The following NTM variants were observed in gnomAD, a reference collection of about 807,000 sequenced individuals.
NTM encodes the protein neurotrimin, also known as IgLON family member 2.
In NTM, 13 loss-of-function variants were observed where a neutral mutation model predicts 42.1. That is an observed-to-expected ratio of 0.31 (90% CI 0.20 to 0.49). The LOEUF (loss-of-function observed/expected upper bound fraction) is 0.49. Among genes scored for constraint, NTM ranks in the 20% least tolerant of loss-of-function variants. The pLI is 0.99. For synonymous variants in NTM, 187 were observed against 179.2 expected (o/e 1.04, Z -0.35); for missense variants, 373 against 452.8 (o/e 0.82, Z 1.60).
chr11:132,005,387 G>A (rs1425517348), intron 2 of NTM, among the ~76,000 whole-genome samples: 1 of 152,158 alleles, frequency 6.6e-6, no homozygotes, highest in East Asian at 1.9e-4. Context: ...TTACTGGATG[G>A]TAGACGACTT....
chr11:132,243,798 C>T (rs2090606967), intron 4 of NTM, among the ~76,000 whole-genome samples: 1 of 152,172 alleles, frequency 6.6e-6, no homozygotes, highest in Non-Finnish European at 1.5e-5. Flanking sequence ...AGGGGAGACT[C>T]TTGCCCAGTA....
At chr11:132,093,664 G>C (rs1303570684) in intron 2 of NTM, among the ~76,000 whole-genome samples, 1 of 152,112 alleles carries the variant, frequency 6.6e-6, no homozygotes, top group Non-Finnish European at 1.5e-5. Flanking sequence ...AATATGTGTT[G>C]GATGCCTTTC....
chr11:131,592,721 C>G (rs971097983), intron 1 of NTM, among the ~76,000 whole-genome samples: 6 of 151,108 alleles, frequency 4.0e-5, no homozygotes, highest in Non-Finnish European at 7.4e-5. Flanking sequence ...GGGCTGTTTC[C>G]TCCTCCTTCC....
intron 2 of NTM, among the ~76,000 whole-genome samples, chr11:131,994,463 A>C (rs1184158034): frequency 6.6e-6 from 1 of 152,236 alleles, no homozygotes; most frequent in African/African-American, 2.4e-5. Flanking sequence ...GTAAGCACTC[A>C]ATAAAAGTTT....
At chr11:131,718,787 C>G (rs1217021416) in intron 1 of NTM, among the ~76,000 whole-genome samples, 5 of 152,114 alleles carry the variant, frequency 3.3e-5, no homozygotes, top group African/African-American at 1.2e-4. Flanking sequence ...TGGGAGTCCT[C>G]TAGCCTCCAC....
At chr11:132,184,973 A>G (rs1195233963) in intron 3 of NTM, among the ~76,000 whole-genome samples, 1 of 151,914 alleles carries the variant, frequency 6.6e-6, no homozygotes, top group Non-Finnish European at 1.5e-5. Flanking sequence ...TTAATACTGT[A>G]CTCTGCCACA....
chr11:131,487,252 G>T (rs937321760), intron 1 of NTM, among the ~76,000 whole-genome samples: 1 of 152,170 alleles, frequency 6.6e-6, no homozygotes, highest in African/African-American at 2.4e-5. Flanking sequence ...GATTCTTGCT[G>T]AACTCTGGAG....
intron 1 of NTM, among the ~76,000 whole-genome samples, chr11:131,757,181 T>G (rs1201427067): frequency 6.6e-6 from 1 of 152,218 alleles, no homozygotes; most frequent in Non-Finnish European, 1.5e-5. Context: ...CCCAGTGCAG[T>G]GACTCCAGCT....
At chr11:131,670,281 A>C (rs764824456) in intron 1 of NTM, among the ~76,000 whole-genome samples, 2 of 152,086 alleles carry the variant, frequency 1.3e-5, no homozygotes, top group South Asian at 4.2e-4. Context: ...AAAATGAACC[A>C]AAGAAGGAAA....
chr11:131,405,089 T>C (rs1945663595), intron 1 of NTM, among the ~76,000 whole-genome samples: 1 of 152,050 alleles, frequency 6.6e-6, no homozygotes, highest in Non-Finnish European at 1.5e-5. Flanking sequence ...ACATGAAAGG[T>C]TGTCTGTTAC....
chr11:131,605,544 T>C (rs895029586), intron 1 of NTM, among the ~76,000 whole-genome samples: 3 of 152,228 alleles, frequency 2.0e-5, no homozygotes, highest in Admixed American at 6.5e-5. Context: ...ATGCATTTTA[T>C]TTATCTTTTT....
intron 1 of NTM, among the ~76,000 whole-genome samples, chr11:131,555,372 T>C (rs564602674): frequency 4.1e-4 from 63 of 152,306 alleles, no homozygotes; most frequent in African/African-American, 1.4e-3. Context: ...AGGGTTGTCA[T>C]TGGGTCCTTG....
intron 1 of NTM, among the ~76,000 whole-genome samples, chr11:131,597,352 T>G (rs1319949541): frequency 6.6e-6 from 1 of 152,070 alleles, no homozygotes; most frequent in Non-Finnish European, 1.5e-5. Context: ...TCTCCTCCCC[T>G]TTCCCCCTCA....
rs562206899 is a variant in NTM at position 131,417,413 on chromosome 11, G to A, written c.82+46525G>A. Among the ~76,000 whole-genome samples the A allele has an allele frequency of 6.6e-5, 10 of 152,232 alleles. No homozygotes were observed. The South Asian group carries it at 1.9e-3, about 28-fold the overall frequency. On this transcript the variant is annotated intron_variant, in intron 1 of 8. Transcript: ENST00000683400. ...TATTTTGTTAGATATTAAGAGACTT[G>A]TTATTTAGTATTAGTGGGAACTGGA...
chr11:131,566,224 G>A (rs907417773), intron 1 of NTM, among the ~76,000 whole-genome samples: 1 of 152,194 alleles, frequency 6.6e-6, no homozygotes, highest in African/African-American at 2.4e-5. Flanking sequence ...GACTCCTCCA[G>A]CGCCACACTG....
chr11:131,518,248 A>G (rs1408269019), intron 1 of NTM, among the ~76,000 whole-genome samples: 1 of 152,148 alleles, frequency 6.6e-6, no homozygotes, highest in Non-Finnish European at 1.5e-5. Context: ...AGGGAAGTTA[A>G]AAGACTCGAG....
chr11:131,713,862 G>A (rs1458726033), intron 1 of NTM, among the ~76,000 whole-genome samples: 1 of 152,206 alleles, frequency 6.6e-6, no homozygotes, highest in African/African-American at 2.4e-5. Flanking sequence ...ATGAAAGGAA[G>A]TAAAGTACAT....
chr11:131,849,755 G>A (rs981128629), intron 1 of NTM, among the ~76,000 whole-genome samples: 5 of 148,358 alleles, frequency 3.4e-5, no homozygotes, highest in African/African-American at 1.3e-4. Flanking sequence ...TTCATCTCTG[G>A]TTGCCGGTTA....
At chr11:131,473,659 G>C (rs1234350358) in intron 1 of NTM, among the ~76,000 whole-genome samples, 1 of 152,148 alleles carries the variant, frequency 6.6e-6, no homozygotes, top group Admixed American at 6.5e-5. Context: ...GGAAGCCAAT[G>C]AGGCGTGGCC....
Sources: gnomAD v4.1 joint callset for allele counts (sites outside exome capture counted in the v4.1 genomes callset) on GRCh38, gnomAD v4.1.1 for gene constraint, MANE v1.5 for transcripts, NCBI Gene and HGNC (gene_info 2026-07-23, HGNC 2026-07-21) for gene names.